Variants in NOM1 observed in about 807,000 individuals in gnomAD.
NOM1 encodes the protein nucleolar MIF4G domain-containing protein 1.
NOM1 carries 58 observed loss-of-function variants against 73.3 expected under a neutral mutation model. The observed-to-expected ratio is 0.79, with a 90% CI of 0.64 to 0.99. The LOEUF (loss-of-function observed/expected upper bound fraction) is 0.99, where lower values mean the gene tolerates loss of function less well. Among genes scored for constraint, NOM1 ranks in the 50% least tolerant of loss-of-function variants. NOM1 has a pLI of 0.00. For missense variants in NOM1, 1,226 were observed against 1,131.9 expected (o/e 1.08, Z -1.19); for synonymous variants, 487 against 446.8 (o/e 1.09, Z -1.14).
intron 5 of NOM1, among the ~76,000 whole-genome samples, chr7:156,962,510 G>A (rs564146059): frequency 6.6e-6 from 1 of 152,316 alleles, no homozygotes; most frequent in African/African-American, 2.4e-5. Flanking sequence ...CTCACCCCGG[G>A]TGCTAAACTT....
chr7:156,964,124 G>GCCCAGTCCTC, intron 7 of NOM1, 98 bp downstream of exon 7: 1 of 1,300,728 alleles, frequency 7.7e-7, no homozygotes, highest in Non-Finnish European at 1.1e-6. Flanking sequence ...GTCTGATGCT[G>GCCCAGTCCTC]CCTAGGGAGG....
At chr7:156,966,027 CG>C in intron 7 of NOM1, 5 of 523,760 alleles carry the variant, frequency 9.5e-6, no homozygotes, top group East Asian at 9.4e-5. Context: ...TTTGCAGCGA[CG>C]GGGGACCCCC....
At chr7:156,963,667 C>T (rs1239372360) in intron 6 of NOM1, 2 of 438,270 alleles carry the variant, frequency 4.6e-6, no homozygotes, top group Admixed American at 3.9e-5. Context: ...CGTCGCTTGC[C>T]CTGAGGTTGA....
chr7:156,973,123 GAACA>G lies in NOM1; in HGVS notation c.*3424_*3427del, dbSNP rs1371278272. ...AGGGTATCATTTTTAAAGGTATAAG[GAACA>G]AACTTTAATGTATTGAAATGCATAA... On this transcript the variant is annotated 3_prime_UTR_variant, in exon 11 of 11. Coordinates refer to ENST00000275820, the MANE Select transcript of NOM1 (RefSeq NM_138400.2). The G allele has an allele frequency of 6.6e-6, 1 of 152,084 alleles. No homozygotes were observed. The allele number at this position is 152,084 out of a possible 1,614,324, so 9.4% of individuals were successfully genotyped here. A position where few individuals can be genotyped will look rare whatever the true frequency, so the allele number is the denominator to read the frequency against.
chr7:156,966,677 A>G (rs1805006999), intron 8 of NOM1, among the ~76,000 whole-genome samples: 1 of 152,186 alleles, frequency 6.6e-6, no homozygotes, highest in African/African-American at 2.4e-5. Flanking sequence ...GTCGGTTCAC[A>G]GTGCACCAGT....
rs2134808146 is a variant in NOM1 at position 156,973,081 on chromosome 7, CTA to C, written c.*3379_*3380del. Reference sequence around the variant, plus strand: ...TGAGAACTGCTAATGTATAGAATGACTAAACAGCTGTCTTTCAGGGTATCATT... The same window carrying C: ...TGAGAACTGCTAATGTATAGAATGACAACAGCTGTCTTTCAGGGTATCATT... On this transcript the variant is annotated 3_prime_UTR_variant, in exon 11 of 11. Transcript: ENST00000275820. 1 of 142,830 alleles carries C rather than the reference CTA, an allele frequency of 7.0e-6. No homozygotes were observed. Among genetic ancestry groups the C allele is most frequent in the African/African-American group, 2.6e-5 (1 of 38,706 alleles). 8.8% of individuals were successfully genotyped at this position (142,830 alleles called of 1,614,324 possible). A position where few individuals can be genotyped will look rare whatever the true frequency, so the allele number is the denominator to read the frequency against.
intron 8 of NOM1, 27 bp downstream of exon 8, chr7:156,966,429 C>T (rs1332163658): frequency 1.1e-5 from 17 of 1,612,802 alleles, no homozygotes; most frequent in African/African-American, 2.7e-5. Context: ...GCACCAGTTA[C>T]GTCCGCTCTA....
intron 2 of NOM1, among the ~76,000 whole-genome samples, chr7:156,953,188 A>G: frequency 6.6e-6 from 1 of 152,168 alleles, no homozygotes; most frequent in East Asian, 1.9e-4. Flanking sequence ...CAATGGCGCT[A>G]TCTCGGCTCA....
rs372998778 is a variant in NOM1 at position 156,950,277 on chromosome 7, G to C, written c.540G>C (p.Glu180Asp). The C allele has an allele frequency of 1.2e-6, 2 of 1,613,834 alleles. No individual in the cohort carries two copies. The highest frequency in any genetic ancestry group is 1.7e-6 in the Non-Finnish European group (2 of 1,179,820). ...AACGGGCGCTTTTAGCGGCGAACGAGGAGGAGGACCGAGAGATCCGAAAGC... is the reference window on the plus strand; with the variant it reads ...AACGGGCGCTTTTAGCGGCGAACGACGAGGAGGACCGAGAGATCCGAAAGC... ...ARKRALLAAN[E>D]EEDREIRKLE... Residue 180 changes from glutamate to aspartate, a missense_variant, in exon 1 of 11, where the codon GAG becomes GAC. Physicochemically the swap from Glu to Asp is conservative, Grantham distance 45 (BLOSUM62 2). Transcript: ENST00000275820.
chr7:156,958,922 C>G (rs1404014201), intron 3 of NOM1: 1 of 152,238 alleles, frequency 6.6e-6, no homozygotes, highest in Non-Finnish European at 1.5e-5. Context: ...GCGTCTCCTC[C>G]GTGCCACCTG....
chr7:156,966,748 T>C (rs1311486034), intron 8 of NOM1, among the ~76,000 whole-genome samples: 2 of 151,756 alleles, frequency 1.3e-5, no homozygotes, highest in Non-Finnish European at 1.5e-5. Context: ...ATCTGCTGAT[T>C]TGGGGGGAAG....
rs779031788 is a variant in NOM1 at position 156,963,107 on chromosome 7, G to A, written c.1843G>A (p.Ala615Thr). The A allele has an allele frequency of 5.0e-6, 8 of 1,614,026 alleles. No homozygotes were observed. Among genetic ancestry groups the A allele is most frequent in the African/African-American group, 4.0e-5 (3 of 74,920 alleles). The change falls in exon 6 of 11, where the codon GCC becomes ACC. Residue 615 changes from alanine (A) to threonine (T), a missense_variant. Transcript: ENST00000275820. ...QTGRWWIVGSAWSGAPMIDNS... is the reference protein window; with the variant it reads ...QTGRWWIVGSTWSGAPMIDNS... ...GGGTCGCTGGTGGATTGTGGGGTCC[G>A]CCTGGAGTGGGGCCCCGATGATCGA...
Position 156,969,681 on chromosome 7 carries a change from GA to G in NOM1, c.2565del (p.Ala856LeufsTer3). On this transcript the variant is annotated frameshift_variant, in exon 11 of 11. Transcript: ENST00000275820. LOFTEE classifies it high-confidence loss of function. The stretch of plus-strand genomic sequence containing the variant: ...GACCTTGCAACGAAGTGTCTGCAAG[GA>G]AAAGCTTCCCTGAGAATGTAGTCAG... ...KADLATKCLQ[G>X]KASLRM 2 of 1,611,308 alleles carry G rather than the reference GA, an allele frequency of 1.2e-6. No individual in the cohort carries two copies. The highest frequency in any genetic ancestry group is 8.5e-7 in the Non-Finnish European group (1 of 1,178,518).
At chr7:156,951,126 TTAGA>T (rs1804581963) in intron 1 of NOM1, among the ~76,000 whole-genome samples, 1 of 152,168 alleles carries the variant, frequency 6.6e-6, no homozygotes, top group South Asian at 2.1e-4. Context: ...CAGCACTCCC[TTAGA>T]TAAAGTCCAA....
At chr7:156,951,968 A>G (rs1563677546) in intron 1 of NOM1, among the ~76,000 whole-genome samples, 1 of 152,092 alleles carries the variant, frequency 6.6e-6, no homozygotes, top group Non-Finnish European at 1.5e-5. Flanking sequence ...AGCGTCCCAA[A>G]GTGCTGGGAT....
chr7:156,956,392 G>A (rs1368770953), intron 3 of NOM1, among the ~76,000 whole-genome samples: 1 of 152,186 alleles, frequency 6.6e-6, no homozygotes, highest in Admixed American at 6.5e-5. Context: ...CAACGAGTTA[G>A]TTCATGTAAT....
chr7:156,959,633 A>AGTT (rs2134784214), intron 3 of NOM1, among the ~76,000 whole-genome samples: 1 of 152,282 alleles, frequency 6.6e-6, no homozygotes, highest in East Asian at 1.9e-4. Flanking sequence ...CTGCTGGCCA[A>AGTT]ACAGTGCCCC....
In NOM1 at chr7:156,950,568, A is replaced by G. The variant is rs1364105629; in HGVS notation, c.831A>G (p.Glu277=). The part of the protein sequence containing the change: ...VEKEKKAQEA[E]AQSEDDDEDT... ...AGGAAAAGAAGGCGCAGGAAGCAGA[A>G]GCGCAGAGCGAGGACGACGACGAGG... Residue 277 remains glutamate, a synonymous_variant, in exon 1 of 11, where the codon GAA becomes GAG. Transcript: ENST00000275820. The G allele has an allele frequency of 1.9e-6, 3 of 1,607,202 alleles. No individual in the cohort carries two copies. Among genetic ancestry groups the G allele is most frequent in the Non-Finnish European group, 2.6e-6 (3 of 1,176,332 alleles).
chr7:156,949,747 T>C lies in NOM1; in HGVS notation c.10T>C (p.Ser4Pro). 4 of 1,383,250 alleles carry C rather than the reference T, an allele frequency of 2.9e-6. No homozygotes were observed. The highest frequency in any genetic ancestry group is 3.7e-6 in the Non-Finnish European group (4 of 1,074,232). 85.7% of individuals were successfully genotyped at this position (1,383,250 alleles called of 1,614,324 possible). Residue 4 changes from serine (S) to proline (P), a missense_variant, in exon 1 of 11, where the codon TCC becomes CCC. Coordinates refer to ENST00000275820, the MANE Select transcript of NOM1 (RefSeq NM_138400.2). The stretch of plus-strand genomic sequence containing the variant: ...CCACGCGTTTCGAAAGATGGCGGCG[T>C]CCAGGAGCGCGGGAGAGGCCGGCCC... The part of the protein sequence containing the change: MAA[S>P]RSAGEAGPGG...
Sources: allele counts gnomAD v4.1 joint callset (sites outside exome capture counted in the v4.1 genomes callset), GRCh38; gene constraint gnomAD v4.1.1; transcripts MANE v1.5; gene names NCBI Gene and HGNC (gene_info 2026-07-23, HGNC 2026-07-21).